POU6F2: variants seen among roughly 807,000 people sequenced by gnomAD.
POU6F2 encodes POU class 6 homeobox 2, also known as POU domain, class 6, transcription factor 2.
A neutral mutation model predicts 71.3 loss-of-function variants in POU6F2; 31 were observed. That is an observed-to-expected ratio of 0.43 (90% CI 0.33 to 0.59). The LOEUF (loss-of-function observed/expected upper bound fraction) is 0.59, where lower values mean the gene tolerates loss of function less well. Among genes scored for constraint, POU6F2 ranks in the 20% least tolerant of loss-of-function variants. The pLI is 0.04. For synonymous variants in POU6F2, 347 were observed against 355.7 expected (o/e 0.98, Z 0.27); for missense variants, 783 against 856.8 (o/e 0.91, Z 1.07).
chr7:39,006,042 G>A, intron 1 of POU6F2, among the ~76,000 whole-genome samples: 1 of 152,308 alleles, frequency 6.6e-6, no homozygotes, highest in Middle Eastern at 3.4e-3. Flanking sequence ...GTGCCAGCAT[G>A]TATGTGGTGT....
At chr7:39,197,330 G>A (rs1048673209) in intron 2 of POU6F2, among the ~76,000 whole-genome samples, 4 of 152,344 alleles carry the variant, frequency 2.6e-5, no homozygotes, top group East Asian at 1.9e-4. Context: ...CATCCCAGCC[G>A]GAAGGTTACA....
rs1000426001 is a variant in POU6F2 at position 39,224,353 on chromosome 7, T to G, written c.598+16733T>G. On this transcript the variant is annotated intron_variant, in intron 4 of 9. Coordinates refer to ENST00000518318, the MANE Select transcript of POU6F2 (RefSeq NM_001370959.1). ...TATTTGCATTTCAAATCATTAATGC[T>G]CTTGCATTTCTTCACTTAAAACCAA... is the stretch of plus-strand genomic sequence containing the variant. 2.7e-4 allele frequency among the ~76,000 whole-genome samples: 41 copies of G among 151,910 alleles called. 1 individual carries two copies. Among genetic ancestry groups the G allele is most frequent in the African/African-American group, 8.5e-4 (35 of 41,396 alleles).
At chr7:39,014,262 T>G (rs868183701) in intron 1 of POU6F2, among the ~76,000 whole-genome samples, 3 of 152,168 alleles carry the variant, frequency 2.0e-5, no homozygotes, top group Non-Finnish European at 4.4e-5. Flanking sequence ...GGAAAGCAGC[T>G]TTAAATGAAC....
At chr7:39,299,304 C>CATA (rs1200689792) in intron 4 of POU6F2, among the ~76,000 whole-genome samples, 1 of 152,146 alleles carries the variant, frequency 6.6e-6, no homozygotes, top group Non-Finnish European at 1.5e-5. Context: ...TTTTCTTCAT[C>CATA]TTTTTTGAAT....
chr7:39,071,448 G>A (rs915128541), intron 1 of POU6F2, among the ~76,000 whole-genome samples: 3 of 151,906 alleles, frequency 2.0e-5, no homozygotes, highest in Non-Finnish European at 4.4e-5. Flanking sequence ...ACTGGTCTGT[G>A]GCCCAAGGGT....
At chr7:39,379,777 C>G (rs972462874) in intron 5 of POU6F2, among the ~76,000 whole-genome samples, 3 of 152,174 alleles carry the variant, frequency 2.0e-5, no homozygotes, top group Non-Finnish European at 2.9e-5. Flanking sequence ...AACACCAACT[C>G]CCCTGGTTTT....
intron 4 of POU6F2, among the ~76,000 whole-genome samples, chr7:39,257,140 A>C (rs1583478238): frequency 6.6e-6 from 1 of 152,350 alleles, no homozygotes; most frequent in African/African-American, 2.4e-5. Flanking sequence ...CAAGCCGCAT[A>C]CATTTATATT....
intron 1 of POU6F2, among the ~76,000 whole-genome samples, chr7:38,985,372 G>T (rs1788437077): frequency 6.6e-6 from 1 of 152,088 alleles, no homozygotes; most frequent in Non-Finnish European, 1.5e-5. Context: ...CAGTCCTGAT[G>T]ATTCATCATT....
At chr7:39,323,384 C>T (rs529278457) in intron 4 of POU6F2, among the ~76,000 whole-genome samples, 9 of 152,310 alleles carry the variant, frequency 5.9e-5, no homozygotes, top group African/African-American at 2.2e-4. Flanking sequence ...ATGGACAATA[C>T]ATATTTTATG....
At chr7:39,324,632 A>G (rs1467352582) in intron 4 of POU6F2, among the ~76,000 whole-genome samples, 1 of 152,194 alleles carries the variant, frequency 6.6e-6, no homozygotes, top group Non-Finnish European at 1.5e-5. Flanking sequence ...TCCACATTGC[A>G]GTAGACAAAG....
intron 2 of POU6F2, among the ~76,000 whole-genome samples, chr7:39,088,345 G>A (rs776671898): frequency 6.6e-6 from 1 of 152,140 alleles, no homozygotes; most frequent in Non-Finnish European, 1.5e-5. Flanking sequence ...CTGGGACTTG[G>A]CCTTAGCAAT....
intron 5 of POU6F2, among the ~76,000 whole-genome samples, chr7:39,348,971 C>G (rs1490468030): frequency 2.6e-5 from 4 of 152,164 alleles, no homozygotes; most frequent in Non-Finnish European, 4.4e-5. Flanking sequence ...TCACATAATG[C>G]TAATTAATAT....
rs147130043 is a variant in POU6F2 at position 39,205,073 on chromosome 7, G to C, written c.369+747G>C. ...CACATTGAGGGCTCACCCAAGTTTA[G>C]AGTGAGGGTTGGCCTTGACATTCTT... On this transcript the variant is annotated intron_variant, in intron 3 of 9. Transcript: ENST00000518318. Among the ~76,000 whole-genome samples, 958 of 152,062 alleles carry C rather than the reference G, an allele frequency of 6.3e-3. 3 individuals are homozygous for C. Among genetic ancestry groups the C allele is most frequent in the Non-Finnish European group, 1.0e-2 (677 of 67,990 alleles).
chr7:39,101,944 A>T (rs957057374), intron 2 of POU6F2, among the ~76,000 whole-genome samples: 1 of 152,218 alleles, frequency 6.6e-6, no homozygotes, highest in Admixed American at 6.5e-5. Context: ...TTTCTTTACA[A>T]CAATTTGCTC....
chr7:39,310,533 A>G (rs1785142982), intron 4 of POU6F2, among the ~76,000 whole-genome samples: 1 of 152,234 alleles, frequency 6.6e-6, no homozygotes, highest in Non-Finnish European at 1.5e-5. Context: ...CATTGGTTTA[A>G]GTATCAAAAT....
At chr7:39,283,282 T>C (rs1440118867) in intron 4 of POU6F2, among the ~76,000 whole-genome samples, 2 of 152,100 alleles carry the variant, frequency 1.3e-5, no homozygotes, top group Non-Finnish European at 2.9e-5. Context: ...TTTTTCTCTT[T>C]CCCAATTACT....
In POU6F2 at chr7:39,130,788, T is replaced by C. The variant is rs1584558474; in HGVS notation, c.277+44757T>C. 2.0e-5 allele frequency among the ~76,000 whole-genome samples: 3 copies of C among 152,296 alleles called. No homozygotes were observed. In the East Asian group the frequency reaches 5.8e-4, roughly 29 times the overall value. On this transcript the variant is annotated intron_variant, in intron 2 of 9. Transcript: ENST00000518318. ...GATGCTAAGTAGAGTCTGGGTGGAA[T>C]TGTCAGTCACCCCAAATGAACAAGT... is the stretch of plus-strand genomic sequence containing the variant.
At chr7:39,156,105 C>A (rs1217672020) in intron 2 of POU6F2, among the ~76,000 whole-genome samples, 6 of 152,096 alleles carry the variant, frequency 3.9e-5, no homozygotes, top group African/African-American at 1.4e-4. Context: ...ATGTCTATAT[C>A]TCTCTCTAAA....
At chr7:39,309,461 T>C (rs1785115382) in intron 4 of POU6F2, among the ~76,000 whole-genome samples, 1 of 152,162 alleles carries the variant, frequency 6.6e-6, no homozygotes, top group African/African-American at 2.4e-5. Context: ...CCTCAAATAA[T>C]GGCAATGGCT....
Sources: allele counts gnomAD v4.1 joint callset (sites outside exome capture counted in the v4.1 genomes callset), GRCh38; gene constraint gnomAD v4.1.1; transcripts MANE v1.5; gene names NCBI Gene and HGNC (gene_info 2026-07-23, HGNC 2026-07-21).